GPC6: variants seen among roughly 807,000 people sequenced by gnomAD.
GPC6 encodes glypican 6, also known as glypican-6.
GPC6 carries 14 observed loss-of-function variants against 55.2 expected under a neutral mutation model. That is an observed-to-expected ratio of 0.25 (90% CI 0.17 to 0.40). The LOEUF is 0.40. Ranked by LOEUF, GPC6 falls within the 10% of genes least tolerant of loss-of-function variation. The pLI is 1.00. For missense variants in GPC6, 641 were observed against 708.5 expected, an observed-to-expected ratio of 0.90 and a Z score of 1.08; for synonymous variants, 278 against 259.6, an observed-to-expected ratio of 1.07 and a Z score of -0.68.
chr13:94,293,825 A>C (rs974380313), intron 5 of GPC6, among the ~76,000 whole-genome samples: 5 of 152,208 alleles, frequency 3.3e-5, no homozygotes, highest in Admixed American at 3.3e-4. Flanking sequence ...CCAGCATGCC[A>C]TGCTGTTTCC....
chr13:93,859,725 T>C (rs1428536431), intron 3 of GPC6, among the ~76,000 whole-genome samples: 1 of 151,626 alleles, frequency 6.6e-6, no homozygotes, highest in Non-Finnish European at 1.5e-5. Context: ...CATTTTGATT[T>C]CTGTGAGCTA....
At chr13:94,089,847 C>A (rs887659135) in intron 4 of GPC6, among the ~76,000 whole-genome samples, 1 of 151,988 alleles carries the variant, frequency 6.6e-6, no homozygotes, top group African/African-American at 2.4e-5. Context: ...TTTTAGCAAG[C>A]AGGCAAATTT....
At chr13:93,839,364 C>A (rs568775056) in intron 3 of GPC6, among the ~76,000 whole-genome samples, 1 of 152,246 alleles carries the variant, frequency 6.6e-6, no homozygotes, top group South Asian at 2.1e-4. Flanking sequence ...TGCTCTGACA[C>A]CATCAATGGG....
chr13:93,841,136 G>A (rs1887939140), intron 3 of GPC6, among the ~76,000 whole-genome samples: 1 of 152,100 alleles, frequency 6.6e-6, no homozygotes, highest in African/African-American at 2.4e-5. Context: ...CCCATCTTCA[G>A]AGATTCAATG....
intron 4 of GPC6, among the ~76,000 whole-genome samples, chr13:94,049,782 TG>T (rs1182004355): frequency 6.6e-6 from 1 of 152,156 alleles, no homozygotes; most frequent in African/African-American, 2.4e-5. Flanking sequence ...TCTGTTTGTT[TG>T]GGTATTGATG....
chr13:94,113,078 A>G (rs10492634), intron 4 of GPC6, among the ~76,000 whole-genome samples: 47,668 of 152,082 alleles, frequency 0.31, 8,956 homozygotes, highest in Middle Eastern at 0.45. Context: ...ACATAATTTC[A>G]TTAAGAACTT....
chr13:94,281,992 C>A (rs534533464), intron 4 of GPC6, among the ~76,000 whole-genome samples: 2 of 152,286 alleles, frequency 1.3e-5, no homozygotes, highest in East Asian at 3.9e-4. Context: ...GGCTAGAATT[C>A]TGAACATTTA....
intron 1 of GPC6, among the ~76,000 whole-genome samples, chr13:93,312,367 G>A (rs555218755): frequency 1.4e-4 from 22 of 152,176 alleles, no homozygotes; most frequent in Non-Finnish European, 2.6e-4. Context: ...TTTCTTCCAC[G>A]TTGTGAGTGG....
At chr13:93,343,679 A>C (rs1042703967) in intron 1 of GPC6, among the ~76,000 whole-genome samples, 1 of 152,166 alleles carries the variant, frequency 6.6e-6, no homozygotes, top group Non-Finnish European at 1.5e-5. Flanking sequence ...AATATCTCCT[A>C]TAGAATTGTC....
At chr13:93,268,350 C>A (rs1175963362) in intron 1 of GPC6, among the ~76,000 whole-genome samples, 1 of 152,118 alleles carries the variant, frequency 6.6e-6, no homozygotes. Flanking sequence ...TATAGACAAT[C>A]TACAAAGTAG....
rs78210454 is a variant in GPC6 at position 94,354,884 on chromosome 13, G to T, written c.1153-27530G>T. Among the ~76,000 whole-genome samples the T allele has an allele frequency of 5.7e-3, 868 of 152,318 alleles. 8 individuals carry two copies. The highest frequency in any genetic ancestry group is 0.02 in the African/African-American group (826 of 41,568). On this transcript the variant is annotated intron_variant, in intron 6 of 8. Coordinates refer to ENST00000377047, the MANE Select transcript of GPC6 (RefSeq NM_005708.5). Reference sequence around the variant, plus strand: ...TGGGGATGACGGTGATGATGATCATGATGAAGACAAGGATGGAAGTGGAGA... The same window carrying T: ...TGGGGATGACGGTGATGATGATCATTATGAAGACAAGGATGGAAGTGGAGA...
chr13:93,664,984 C>T (rs73543575), intron 2 of GPC6, among the ~76,000 whole-genome samples: 6,327 of 152,114 alleles, frequency 0.042, 445 homozygotes, highest in African/African-American at 0.14. Context: ...GTGAAGAAAC[C>T]TCATATACTT....
chr13:93,268,678 A>G (rs566280376), intron 1 of GPC6, among the ~76,000 whole-genome samples: 6 of 152,312 alleles, frequency 3.9e-5, no homozygotes, highest in African/African-American at 1.4e-4. Flanking sequence ...CTTTGGAAGC[A>G]CGTGCATATG....
intron 1 of GPC6, among the ~76,000 whole-genome samples, chr13:93,357,110 C>T (rs1880874060): frequency 6.6e-6 from 1 of 152,180 alleles, no homozygotes; most frequent in Non-Finnish European, 1.5e-5. Context: ...AATGTGATGA[C>T]TGTAAAATCA....
At chr13:93,627,145 C>A (rs1879236874) in intron 2 of GPC6, among the ~76,000 whole-genome samples, 1 of 151,912 alleles carries the variant, frequency 6.6e-6, no homozygotes, top group Non-Finnish European at 1.5e-5. Context: ...CTAATGCTAA[C>A]CCTCCCCTAG....
At chr13:93,434,799 A>G (rs1454110323) in intron 1 of GPC6, among the ~76,000 whole-genome samples, 2 of 151,620 alleles carry the variant, frequency 1.3e-5, no homozygotes, top group Non-Finnish European at 2.9e-5. Flanking sequence ...CCCCACCTCC[A>G]GGGTTCAAAC....
At chr13:93,380,648 C>A (rs1875124612) in intron 1 of GPC6, among the ~76,000 whole-genome samples, 1 of 151,942 alleles carries the variant, frequency 6.6e-6, no homozygotes, top group African/African-American at 2.4e-5. Context: ...TAGCCAGTCA[C>A]TGTCTTTAGA....
chr13:93,778,334 C>A (rs74110903), intron 2 of GPC6, among the ~76,000 whole-genome samples: 1 of 151,776 alleles, frequency 6.6e-6, no homozygotes, highest in Non-Finnish European at 1.5e-5. Context: ...GGTACCAAAA[C>A]GAAGAGAGTG....
At chr13:93,618,179 T>G (rs1878804344) in intron 2 of GPC6, among the ~76,000 whole-genome samples, 1 of 152,096 alleles carries the variant, frequency 6.6e-6, no homozygotes, top group African/African-American at 2.4e-5. Context: ...CACCAATATT[T>G]ATTAAGCATG....
Sources: allele counts gnomAD v4.1 joint callset (sites outside exome capture counted in the v4.1 genomes callset), GRCh38; gene constraint gnomAD v4.1.1; transcripts MANE v1.5; gene names NCBI Gene and HGNC (gene_info 2026-07-23, HGNC 2026-07-21).